Variants in B4GALNT3 observed in about 807,000 individuals in gnomAD.
B4GALNT3 encodes the protein beta-1,4-N-acetylgalactosaminyltransferase 3.
A neutral mutation model predicts 120.2 loss-of-function variants in B4GALNT3; 86 were observed. That is an observed-to-expected ratio of 0.72 (90% CI 0.60 to 0.86). B4GALNT3 has a LOEUF of 0.86. B4GALNT3 is among the 40% of genes least tolerant of loss of function. The probability of loss-of-function intolerance (pLI) is 0.00; values close to 1 mark genes in which losing one functional copy is unlikely to be tolerated. For missense variants in B4GALNT3, 1,167 were observed against 1,298.9 expected (o/e 0.90, Z 1.56); for synonymous variants, 518 against 510.4 (o/e 1.01, Z -0.20).
intron 1 of B4GALNT3, among the ~76,000 whole-genome samples, chr12:505,767 G>T (rs903138390): frequency 3.9e-5 from 6 of 152,240 alleles, no homozygotes; most frequent in Non-Finnish European, 7.4e-5. Context: ...GTCTGAATAG[G>T]TCTACCTCTC....
chr12:537,228 C>T (rs569377294), intron 3 of B4GALNT3, among the ~76,000 whole-genome samples: 4 of 152,304 alleles, frequency 2.6e-5, no homozygotes, highest in African/African-American at 9.6e-5. Context: ...TAAAAGTTAT[C>T]AGAACCATCA....
intron 1 of B4GALNT3, among the ~76,000 whole-genome samples, chr12:534,148 G>A (rs1485369598): frequency 6.6e-6 from 1 of 152,210 alleles, no homozygotes. Context: ...GGCACACTGG[G>A]GTCCTAGTCT....
intron 1 of B4GALNT3, among the ~76,000 whole-genome samples, chr12:516,569 T>C (rs556461522): frequency 1.3e-5 from 2 of 152,346 alleles, no homozygotes; most frequent in South Asian, 2.1e-4. Context: ...TATAATTGAT[T>C]GTTTAAATTG....
At chr12:504,960 G>A (rs1332761181) in intron 1 of B4GALNT3, among the ~76,000 whole-genome samples, 10 of 150,510 alleles carry the variant, frequency 6.6e-5, no homozygotes, top group Non-Finnish European at 1.5e-4. Context: ...GCGCGATCTC[G>A]GCTCACTGCA....
intron 3 of B4GALNT3, among the ~76,000 whole-genome samples, chr12:538,208 A>G (rs751391240): frequency 1.3e-5 from 2 of 152,188 alleles, no homozygotes; most frequent in Non-Finnish European, 2.9e-5. Flanking sequence ...TTGCCAATCA[A>G]GGCCATATGT....
chr12:497,763 T>A (rs1003895451), intron 1 of B4GALNT3, among the ~76,000 whole-genome samples: 1 of 152,190 alleles, frequency 6.6e-6, no homozygotes, highest in African/African-American at 2.4e-5. Flanking sequence ...TGTGTCTAAG[T>A]CAGGAGGTAG....
intron 1 of B4GALNT3, among the ~76,000 whole-genome samples, chr12:496,187 T>C (rs530357376): frequency 1.3e-5 from 2 of 152,310 alleles, no homozygotes; most frequent in African/African-American, 4.8e-5. Context: ...TGTAGTCCCT[T>C]GTCCATCTCT....
intron 1 of B4GALNT3, among the ~76,000 whole-genome samples, chr12:470,318 C>G (rs1457583715): frequency 2.0e-5 from 3 of 152,230 alleles, no homozygotes. Context: ...TAAAGGCCTC[C>G]CTGCTGAGAT....
chr12:533,302 CA>C (rs1490032468), intron 1 of B4GALNT3, among the ~76,000 whole-genome samples: 3 of 152,230 alleles, frequency 2.0e-5, no homozygotes, highest in Non-Finnish European at 4.4e-5. Flanking sequence ...CCTCACTCCT[CA>C]TATTTTCACA....
chr12:474,629 G>A (rs1396391096), intron 1 of B4GALNT3, among the ~76,000 whole-genome samples: 2 of 150,758 alleles, frequency 1.3e-5, no homozygotes, highest in Non-Finnish European at 3.0e-5. Context: ...GACCAGCATG[G>A]GCAACATAGC....
intron 14 of B4GALNT3, 148 bp downstream of exon 14, chr12:554,131 C>G: frequency 1.6e-6 from 1 of 632,142 alleles, no homozygotes; most frequent in Non-Finnish European, 2.7e-6. Flanking sequence ...CTGGGAAGGA[C>G]AAGTGCCCGG....
chr12:466,405 G>A (rs1946081649), intron 1 of B4GALNT3, among the ~76,000 whole-genome samples: 1 of 152,186 alleles, frequency 6.6e-6, no homozygotes, highest in African/African-American at 2.4e-5. Context: ...CGTTCCACCA[G>A]TCTCAAAAAC....
At chr12:463,844 A>G (rs1946050241) in intron 1 of B4GALNT3, among the ~76,000 whole-genome samples, 1 of 152,232 alleles carries the variant, frequency 6.6e-6, no homozygotes, top group Non-Finnish European at 1.5e-5. Context: ...TTGGTGAAAC[A>G]GAGGGTATAA....
At chr12:465,258 C>G (rs1946065527) in intron 1 of B4GALNT3, among the ~76,000 whole-genome samples, 1 of 152,138 alleles carries the variant, frequency 6.6e-6, no homozygotes, top group African/African-American at 2.4e-5. Flanking sequence ...ATATTCCAGT[C>G]ACCAGGCTAC....
chr12:474,736 G>C (rs900437021), intron 1 of B4GALNT3, among the ~76,000 whole-genome samples: 1 of 152,062 alleles, frequency 6.6e-6, no homozygotes, highest in Non-Finnish European at 1.5e-5. Context: ...GAGATGGGTG[G>C]ATCACTTGAG....
chr12:552,260 C>A, intron 12 of B4GALNT3, 97 bp downstream of exon 12: 2 of 1,108,502 alleles, frequency 1.8e-6, no homozygotes, highest in Non-Finnish European at 2.7e-6. Flanking sequence ...GCACCCCAGC[C>A]CAAAGTCTTT....
chr12:466,966 ACCAGTACC>A (rs912184393), intron 1 of B4GALNT3, among the ~76,000 whole-genome samples: 2 of 152,184 alleles, frequency 1.3e-5, no homozygotes, highest in Non-Finnish European at 2.9e-5. Flanking sequence ...ACAGAGTATT[ACCAGTACC>A]CCAGTACCCC....
intron 14 of B4GALNT3, among the ~76,000 whole-genome samples, chr12:556,198 T>A (rs1305117746): frequency 6.6e-6 from 1 of 152,222 alleles, no homozygotes; most frequent in East Asian, 1.9e-4. Flanking sequence ...ACATCTGTCT[T>A]ATAACTCATT....
chr12:495,883 A>C (rs1028161313), intron 1 of B4GALNT3, among the ~76,000 whole-genome samples: 1 of 152,192 alleles, frequency 6.6e-6, no homozygotes, highest in African/African-American at 2.4e-5. Context: ...AAGAAGATCA[A>C]TGTTCATGAA....
Sources: allele counts gnomAD v4.1 joint callset (sites outside exome capture counted in the v4.1 genomes callset), GRCh38; gene constraint gnomAD v4.1.1; transcripts MANE v1.5; gene names NCBI Gene and HGNC (gene_info 2026-07-23, HGNC 2026-07-21).